ITGAL: variants seen among roughly 807,000 people sequenced by gnomAD.
The protein encoded by ITGAL is integrin alpha-L.
A neutral mutation model predicts 138.4 loss-of-function variants in ITGAL; 68 were observed. That is an observed-to-expected ratio of 0.49 (90% CI 0.40 to 0.60). The LOEUF is 0.60. Among genes scored for constraint, ITGAL ranks in the 20% least tolerant of loss-of-function variants. ITGAL has a pLI of 0.00. For missense variants in ITGAL, 1,256 were observed against 1,478.6 expected, an observed-to-expected ratio of 0.85 and a Z score of 2.47; for synonymous variants, 561 against 584.3, an observed-to-expected ratio of 0.96 and a Z score of 0.57.
At chr16:30,519,999 G>C in intron 30 of ITGAL, 32 bp downstream of exon 30, 1 of 1,469,204 alleles carries the variant, frequency 6.8e-7, no homozygotes, top group Non-Finnish European at 9.5e-7. Flanking sequence ...AGGCATTGCT[G>C]AGACAGCCAG....
At chr16:30,504,000 C>G in intron 17 of ITGAL, 175 bp from the exon 18 acceptor site, 1 of 550,818 alleles carries the variant, frequency 1.8e-6, no homozygotes, top group Non-Finnish European at 3.3e-6. Flanking sequence ...GAGAAGCCCC[C>G]TGGGTGTGCT....
Position 30,496,162 on chromosome 16 carries a change from A to C in ITGAL, c.1569A>C (p.Glu523Asp). The change falls in exon 14 of 31, where the codon GAA becomes GAC. Residue 523 changes from glutamate (E) to aspartate (D), a missense_variant. Physicochemically the swap from Glu to Asp is conservative, Grantham distance 45. This residue lies in a region of ITGAL where 867 missense variants were observed against 972.5 expected (regional missense o/e 0.89). Transcript: ENST00000356798. The stretch of plus-strand genomic sequence containing the variant: ...GCTACCCACTCGGGCGGTTTGGAGA[A>C]GCCATCACTGCTCTGACAGACATCA... The part of the protein sequence containing the change: ...DPGYPLGRFG[E>D]AITALTDING... 2 of 1,614,112 alleles carry C rather than the reference A, an allele frequency of 1.2e-6. No homozygotes were observed. Among genetic ancestry groups the C allele is most frequent in the South Asian group, 2.2e-5 (2 of 91,084 alleles).
In ITGAL at chr16:30,484,165, C is replaced by G. The variant is rs1336341378; in HGVS notation, c.908C>G (p.Ala303Gly). The change falls in exon 9 of 31, where the codon GCA (alanine) becomes GGA (glycine). Residue 303 changes from alanine to glycine, a missense_variant. By Grantham distance (60) the Ala-to-Gly change is moderately conservative. Coordinates refer to ENST00000356798, the MANE Select transcript of ITGAL (RefSeq NM_002209.3). The part of the protein sequence containing the change: ...KESQETLHKF[A>G]SKPASEFVKI... ...AGTCAGGAGACCCTCCACAAATTTGCATCAAAACCCGCGAGCGAGTTTGTG... is the reference window on the plus strand; with the variant it reads ...AGTCAGGAGACCCTCCACAAATTTGGATCAAAACCCGCGAGCGAGTTTGTG... 6.2e-7 allele frequency: 1 copy of G among 1,614,052 alleles called. No homozygotes were observed. The highest frequency in any genetic ancestry group is 8.5e-7 in the Non-Finnish European group (1 of 1,180,026).
In ITGAL at chr16:30,481,584, CGTGAG is replaced by C. The variant is rs1271190417; in HGVS notation, c.722+1_722+5del. The C allele has an allele frequency of 6.2e-7, 1 of 1,613,372 alleles. No homozygotes were observed. The highest frequency in any genetic ancestry group is 2.2e-5 in the East Asian group (1 of 44,878). On this transcript the variant is annotated splice_donor_variant and splice_donor_5th_base_variant and intron_variant, in intron 7 of 30. Coordinates refer to ENST00000356798, the MANE Select transcript of ITGAL (RefSeq NM_002209.3). LOFTEE classifies it high-confidence loss of function. Reference sequence around the variant, plus strand: ...ACCTTTGGTGCCATCAATTATGTCGCGTGAGTTCCCTTTTGCAGGAGAGCACGTGT... The same window carrying C: ...ACCTTTGGTGCCATCAATTATGTCGCTTCCCTTTTGCAGGAGAGCACGTGT...
chr16:30,491,180 C>T (rs577074061), intron 11 of ITGAL, among the ~76,000 whole-genome samples: 1 of 151,840 alleles, frequency 6.6e-6, no homozygotes, highest in African/African-American at 2.4e-5. Context: ...GCTGGCAGAT[C>T]ATTTGAGGTC....
intron 25 of ITGAL, among the ~76,000 whole-genome samples, chr16:30,515,751 C>T (rs1270374430): frequency 5.3e-5 from 8 of 152,160 alleles, no homozygotes; most frequent in Non-Finnish European, 1.0e-4. Context: ...GTGGGCAGAT[C>T]ACCTGAGGTC....
At chr16:30,473,516 C>A (rs1242547641) in intron 1 of ITGAL, among the ~76,000 whole-genome samples, 2 of 152,184 alleles carry the variant, frequency 1.3e-5, no homozygotes, top group Non-Finnish European at 2.9e-5. Context: ...GCCACCTCTG[C>A]GCGTTTTAGG....
chr16:30,507,940 G>A (rs2051028493), intron 21 of ITGAL, among the ~76,000 whole-genome samples: 1 of 151,060 alleles, frequency 6.6e-6, no homozygotes, highest in Non-Finnish European at 1.5e-5. Flanking sequence ...ACGGGGTCTC[G>A]CTCTGTCACC....
intron 21 of ITGAL, among the ~76,000 whole-genome samples, chr16:30,508,729 G>A (rs2051043362): frequency 1.3e-5 from 2 of 152,004 alleles, no homozygotes; most frequent in South Asian, 4.1e-4. Flanking sequence ...GTGTGGTGGG[G>A]TGTGCCTGTA....
At chr16:30,514,580 T>C (rs920091568) in intron 25 of ITGAL, among the ~76,000 whole-genome samples, 1 of 151,976 alleles carries the variant, frequency 6.6e-6, no homozygotes, top group Admixed American at 6.6e-5. Context: ...CCCGGCCCTA[T>C]GCCCAGCTAA....
In ITGAL at chr16:30,496,104, T is replaced by C. The variant is rs748021842; in HGVS notation, c.1511T>C (p.Phe504Ser). 1.9e-6 allele frequency: 3 copies of C among 1,613,626 alleles called. No homozygotes were observed. Among genetic ancestry groups the C allele is most frequent in the African/African-American group, 1.3e-5 (1 of 74,876 alleles). The change falls in exon 14 of 31, where the codon TTT becomes TCT. Residue 504 changes from phenylalanine to serine, a missense_variant. By Grantham distance (155) the Phe-to-Ser change is radical. Coordinates refer to ENST00000356798, the MANE Select transcript of ITGAL (RefSeq NM_002209.3). ...VFIYQRRQLG[F>S]EEVSELQGDP... is the part of the protein sequence containing the mutation. ...TCTCTTGCTACTTCCTAGTTGGGGT[T>C]TGAAGAAGTCTCAGAGCTGCAGGGG... is the stretch of plus-strand genomic sequence containing the variant.
At position 30,496,262 on chromosome 16, in the gene ITGAL, A is replaced by T; in HGVS notation, c.1669A>T (p.Arg557Trp). 1 of 1,604,810 alleles carries T rather than the reference A, an allele frequency of 6.2e-7. No homozygotes were observed. Among genetic ancestry groups the T allele is most frequent in the Non-Finnish European group, 8.5e-7 (1 of 1,174,478 alleles). The change falls in exon 14 of 31, where the codon AGG becomes TGG. Residue 557 changes from arginine (R) to tryptophan (W), a missense_variant. Arg to Trp is a moderately radical substitution (Grantham distance 101, BLOSUM62 -3). Around this residue, in one of 3 missense-constraint regions of ITGAL, gnomAD observed 867 missense variants for 972.5 expected, o/e 0.89. Transcript: ENST00000356798. ...GGGGGCTGTGTACATCTTCAATGGG[A>T]GGCACGGGGGGCTTAGTCCCCAGCC... ...EQGAVYIFNG[R>W]HGGLSPQPSQ...
At chr16:30,492,588 G>T (rs1347228245) in intron 11 of ITGAL, among the ~76,000 whole-genome samples, 1 of 122,210 alleles carries the variant, frequency 8.2e-6, no homozygotes. Flanking sequence ...ACGGAGTCTT[G>T]CTCTGTCACC....
intron 11 of ITGAL, among the ~76,000 whole-genome samples, chr16:30,491,413 A>G (rs1039041666): frequency 6.6e-6 from 1 of 152,058 alleles, no homozygotes; most frequent in Non-Finnish European, 1.5e-5. Flanking sequence ...AAAAAAAGAA[A>G]AAAGAAAAAA....
At chr16:30,506,965 G>A in intron 21 of ITGAL, 109 bp downstream of exon 21, 1 of 1,229,826 alleles carries the variant, frequency 8.1e-7, no homozygotes. Flanking sequence ...AGCTGCGGGT[G>A]GACAGGGGTC....
In ITGAL at chr16:30,521,590, G is replaced by A; in HGVS notation, c.3438G>A (p.Gly1146=). Residue 1146 remains glycine (G), a synonymous_variant, in exon 31 of 31, where the codon GGG becomes GGA. Transcript: ENST00000356798. ...PAEDSEQLAS[G]QEAGDPGCLK... ...AAGACTCTGAGCAGCTGGCATCTGG[G>A]CAAGAGGCTGGGGATCCCGGCTGCC... 1.2e-6 allele frequency: 2 copies of A among 1,614,160 alleles called. No homozygotes were observed. The highest frequency in any genetic ancestry group is 2.2e-5 in the East Asian group (1 of 44,880).
At position 30,494,323 on chromosome 16, in the gene ITGAL, G is replaced by A; in HGVS notation, c.1325G>A (p.Gly442Glu). 1.2e-6 allele frequency: 2 copies of A among 1,612,816 alleles called. No homozygotes were observed. The highest frequency in any genetic ancestry group is 1.7e-6 in the Non-Finnish European group (2 of 1,179,136). The change falls in exon 12 of 31, where the codon GGA (glycine) becomes GAA (glutamate). Residue 442 changes from glycine (G) to glutamate (E), a missense_variant. Physicochemically the swap from Gly to Glu is moderately conservative, Grantham distance 98. Around this residue, in one of 3 missense-constraint regions of ITGAL, gnomAD observed 867 missense variants for 972.5 expected, o/e 0.89. Coordinates refer to ENST00000356798, the MANE Select transcript of ITGAL (RefSeq NM_002209.3). This position sits in a 1 kb window ranked among gnomAD's most constrained non-coding sequence, Gnocchi z 4.2. Reference sequence around the variant, plus strand: ...CTGCTGTTCCAAGAGCCACAGGGCGGAGGACACTGGAGCCAGGTCCAGACA... The same window carrying A: ...CTGCTGTTCCAAGAGCCACAGGGCGAAGGACACTGGAGCCAGGTCCAGACA... ...RVLLFQEPQG[G>E]GHWSQVQTIH...
In ITGAL at chr16:30,494,666, C is replaced by T; in HGVS notation, c.1366-47C>T. 1 of 1,563,090 alleles carries T rather than the reference C, an allele frequency of 6.4e-7. No individual in the cohort carries two copies. The highest frequency in any genetic ancestry group is 8.7e-7 in the Non-Finnish European group (1 of 1,152,086). ...GGTACAGGTATCTCCCTGCCAACCC[C>T]TGCTGTTCCCACAGGCGCTTCCCCA... On this transcript the variant is annotated intron_variant, in intron 12 of 30. Coordinates refer to ENST00000356798, the MANE Select transcript of ITGAL (RefSeq NM_002209.3). This position sits in a 1 kb window ranked among gnomAD's most constrained non-coding sequence, Gnocchi z 4.2.
chr16:30,499,733 A>ATGTGTGTATATATATATATATATTT, intron 17 of ITGAL, among the ~76,000 whole-genome samples: 1 of 88,368 alleles, frequency 1.1e-5, no homozygotes, highest in East Asian at 3.4e-4. Flanking sequence ...ATATATATAT[A>ATGTGTGTATATATATATATATATTT]TTTTTTTTTT....
Sources: gnomAD v4.1 joint callset for allele counts (sites outside exome capture counted in the v4.1 genomes callset) on GRCh38, gnomAD v4.1.1 for gene constraint, gnomAD v4.1.1 regional missense constraint, Gnocchi (gnomAD v3.1) non-coding constraint, MANE v1.5 for transcripts, NCBI Gene and HGNC (gene_info 2026-07-23, HGNC 2026-07-21) for gene names.